The following SLC25A21 variants were observed in gnomAD, a reference collection of about 807,000 sequenced individuals.
SLC25A21 encodes mitochondrial 2-oxodicarboxylate carrier.
A neutral mutation model predicts 43.8 loss-of-function variants in SLC25A21; 47 were observed. The ratio of observed to expected loss-of-function variants is 1.07; its 90% CI spans 0.85 to 1.37. SLC25A21 has a LOEUF of 1.37. SLC25A21 is among the 40% of genes most tolerant of loss of function. SLC25A21 has a pLI of 0.00. For missense variants in SLC25A21, 352 were observed against 350.2 expected (o/e 1.00, Z -0.04); for synonymous variants, 131 against 121.3 (o/e 1.08, Z -0.52).
At chr14:37,155,088 T>A (rs970769919) in intron 1 of SLC25A21, among the ~76,000 whole-genome samples, 3 of 151,594 alleles carry the variant, frequency 2.0e-5, no homozygotes, top group African/African-American at 7.3e-5. Flanking sequence ...TTTTTTTTTT[T>A]AAGATGGAGT....
intron 2 of SLC25A21, among the ~76,000 whole-genome samples, chr14:36,836,189 A>C (rs17105470): frequency 0.66 from 99,603 of 152,044 alleles, 33,611 homozygotes; most frequent in South Asian, 0.81. Flanking sequence ...AAAAAGCTGT[A>C]CTGCTATTGA....
At chr14:36,977,064 C>T (rs879221224) in intron 1 of SLC25A21, among the ~76,000 whole-genome samples, 8 of 152,156 alleles carry the variant, frequency 5.3e-5, no homozygotes, top group Non-Finnish European at 1.2e-4. Context: ...ATTTGCATGC[C>T]CTGTATTTCC....
intron 3 of SLC25A21, among the ~76,000 whole-genome samples, chr14:36,753,625 G>A (rs953657071): frequency 6.6e-6 from 1 of 152,152 alleles, no homozygotes; most frequent in Non-Finnish European, 1.5e-5. Flanking sequence ...TCTCCCTAAA[G>A]GGAAGTTAAT....
intron 1 of SLC25A21, among the ~76,000 whole-genome samples, chr14:37,019,847 C>T (rs1960946016): frequency 6.6e-6 from 1 of 151,042 alleles, no homozygotes; most frequent in Admixed American, 6.6e-5. Context: ...GGAGCCACAG[C>T]AAGTTTTTTT....
At chr14:36,816,616 C>T (rs1888465074) in intron 2 of SLC25A21, among the ~76,000 whole-genome samples, 1 of 151,710 alleles carries the variant, frequency 6.6e-6, no homozygotes. Flanking sequence ...GATCTTCCCA[C>T]CTCAGCCTCC....
intron 2 of SLC25A21, among the ~76,000 whole-genome samples, chr14:36,821,158 A>C (rs1248897780): frequency 2.6e-5 from 4 of 152,170 alleles, no homozygotes; most frequent in Non-Finnish European, 5.9e-5. Context: ...AACTCTGGGC[A>C]AAGACCCTAG....
At chr14:36,833,964 G>T (rs986348998) in intron 2 of SLC25A21, among the ~76,000 whole-genome samples, 1 of 152,162 alleles carries the variant, frequency 6.6e-6, no homozygotes, top group African/African-American at 2.4e-5. Flanking sequence ...GGAGACTCTT[G>T]ATTTCTTTGA....
chr14:36,877,232 C>T (rs946976305), intron 1 of SLC25A21, among the ~76,000 whole-genome samples: 1 of 152,118 alleles, frequency 6.6e-6, no homozygotes, highest in African/African-American at 2.4e-5. Context: ...CTAGTTGGTA[C>T]ATTTCTCAAA....
chr14:37,075,878 C>T (rs1275447077), intron 1 of SLC25A21, among the ~76,000 whole-genome samples: 3 of 152,180 alleles, frequency 2.0e-5, no homozygotes, highest in Non-Finnish European at 2.9e-5. Context: ...AATTGGCTTA[C>T]GCCCTGAAAA....
At chr14:37,155,579 C>T (rs888811654) in intron 1 of SLC25A21, among the ~76,000 whole-genome samples, 6 of 152,208 alleles carry the variant, frequency 3.9e-5, no homozygotes, top group South Asian at 2.1e-4. Context: ...CTCCATCAAA[C>T]TAACAGTGAA....
At chr14:37,055,376 A>G (rs958280723) in intron 1 of SLC25A21, among the ~76,000 whole-genome samples, 1 of 152,214 alleles carries the variant, frequency 6.6e-6, no homozygotes. Flanking sequence ...GGCAGCCTGA[A>G]GTAGATCATA....
intron 1 of SLC25A21, among the ~76,000 whole-genome samples, chr14:37,142,677 T>C (rs1183665823): frequency 1.3e-5 from 2 of 152,166 alleles, no homozygotes; most frequent in South Asian, 2.1e-4. Context: ...GGGCAAGTCA[T>C]AGTGTTCATG....
intron 7 of SLC25A21, among the ~76,000 whole-genome samples, chr14:36,706,466 C>T (rs1366443225): frequency 3.3e-5 from 5 of 152,174 alleles, no homozygotes; most frequent in African/African-American, 1.2e-4. Flanking sequence ...AAACATCTAT[C>T]TCCAGCTCAG....
intron 3 of SLC25A21, among the ~76,000 whole-genome samples, chr14:36,754,641 A>G (rs1015045757): frequency 1.3e-5 from 2 of 152,182 alleles, no homozygotes; most frequent in African/African-American, 2.4e-5. Flanking sequence ...CCCCTGTGCC[A>G]TATCACACAG....
At chr14:36,841,464 G>A (rs762067205) in intron 2 of SLC25A21, among the ~76,000 whole-genome samples, 37 of 151,990 alleles carry the variant, frequency 2.4e-4, no homozygotes, top group Admixed American at 5.2e-4. Flanking sequence ...AGAAACCTCC[G>A]AATCCTCCTG....
At chr14:36,826,784 G>A (rs918095085) in intron 2 of SLC25A21, among the ~76,000 whole-genome samples, 1 of 152,182 alleles carries the variant, frequency 6.6e-6, no homozygotes. Context: ...GCTGTCCTGG[G>A]GGGAGGAGGA....
chr14:37,043,329 A>C (rs913755664), intron 1 of SLC25A21, among the ~76,000 whole-genome samples: 1 of 152,230 alleles, frequency 6.6e-6, no homozygotes, highest in Non-Finnish European at 1.5e-5. Context: ...CAATTCTTGA[A>C]GAACTCCCCA....
intron 1 of SLC25A21, among the ~76,000 whole-genome samples, chr14:36,887,562 C>CA (rs11425888): frequency 0.79 from 111,981 of 141,798 alleles, 44,570 homozygotes; most frequent in Non-Finnish European, 0.86. Flanking sequence ...GACTCCATTG[C>CA]AAAAAAAAAA....
chr14:36,811,624 C>T (rs1888271516), intron 3 of SLC25A21, among the ~76,000 whole-genome samples: 1 of 152,096 alleles, frequency 6.6e-6, no homozygotes, highest in Admixed American at 6.6e-5. Flanking sequence ...TGCACTCCAG[C>T]CTGCGTAACA....
Sources: allele counts gnomAD v4.1 joint callset (sites outside exome capture counted in the v4.1 genomes callset), GRCh38; gene constraint gnomAD v4.1.1; transcripts MANE v1.5; gene names NCBI Gene and HGNC (gene_info 2026-07-23, HGNC 2026-07-21).